RHBDL2: variants seen among roughly 807,000 people sequenced by gnomAD.
RHBDL2 encodes the protein rhomboid-related protein 2.
In RHBDL2, 26 loss-of-function variants were observed where a neutral mutation model predicts 31.7. The observed-to-expected ratio is 0.82, with a 90% CI of 0.60 to 1.14. The LOEUF (loss-of-function observed/expected upper bound fraction) is 1.14, where lower values mean the gene tolerates loss of function less well. Ranked by LOEUF, RHBDL2 falls within the 50% of genes most tolerant of loss-of-function variation. The pLI is 0.00. For synonymous variants in RHBDL2, 123 were observed against 127.2 expected (o/e 0.97, Z 0.22); for missense variants, 336 against 364.4 (o/e 0.92, Z 0.63).
At chr1:38,913,051 C>T (rs1250072481) in intron 3 of RHBDL2, among the ~76,000 whole-genome samples, 2 of 149,404 alleles carry the variant, frequency 1.3e-5, no homozygotes, top group African/African-American at 5.0e-5. Context: ...GGCGCGATCT[C>T]GGCTCACTGC....
chr1:38,886,954 T>C (rs1268212864), intron 7 of RHBDL2, among the ~76,000 whole-genome samples: 1 of 152,218 alleles, frequency 6.6e-6, no homozygotes, highest in Non-Finnish European at 1.5e-5. Context: ...TTAATCATCA[T>C]TGCATTTAAA....
chr1:38,927,220 G>A (rs781439448), intron 1 of RHBDL2, among the ~76,000 whole-genome samples: 3 of 152,152 alleles, frequency 2.0e-5, no homozygotes, highest in South Asian at 4.1e-4. Flanking sequence ...AAGGTCAGGA[G>A]ATCGAGACCA....
At position 38,893,188 on chromosome 1, in the gene RHBDL2, T is replaced by C; in HGVS notation, c.646A>G (p.Arg216Gly). The C allele has an allele frequency of 6.4e-7, 1 of 1,571,280 alleles. No homozygotes were observed. Among genetic ancestry groups the C allele is most frequent in the Non-Finnish European group, 8.8e-7 (1 of 1,142,288 alleles). Reference protein sequence around the residue: ...QEMIPAFGIFRLLIIILIIVL... With the variant: ...QEMIPAFGIFGLLIIILIIVL... Reference sequence around the variant, plus strand: ...CTTATCAGGATGATGATCAGCAGTCTGAAAATTCCAAAGGCAGGAATCATT... The same window carrying C: ...CTTATCAGGATGATGATCAGCAGTCCGAAAATTCCAAAGGCAGGAATCATT... The change falls in exon 6 of 8, where the codon AGA becomes GGA. Residue 216 changes from arginine (R) to glycine (G), a missense_variant. By Grantham distance (125) the Arg-to-Gly change is moderately radical. Coordinates refer to ENST00000372990, the MANE Select transcript of RHBDL2 (RefSeq NM_017821.5).
chr1:38,933,864 G>A (rs189229818), intron 1 of RHBDL2, among the ~76,000 whole-genome samples: 1 of 151,940 alleles, frequency 6.6e-6, no homozygotes, highest in African/African-American at 2.4e-5. Flanking sequence ...AAGTAGCTGG[G>A]ATTACAAGTG....
chr1:38,930,110 A>G (rs1330962662), intron 1 of RHBDL2, among the ~76,000 whole-genome samples: 5 of 152,142 alleles, frequency 3.3e-5, no homozygotes, highest in Non-Finnish European at 5.9e-5. Context: ...CTCTGCGTCA[A>G]AAGTTTCTTC....
At chr1:38,932,553 C>G (rs1211633556) in intron 1 of RHBDL2, among the ~76,000 whole-genome samples, 3 of 152,154 alleles carry the variant, frequency 2.0e-5, no homozygotes, top group Non-Finnish European at 4.4e-5. Context: ...TCCACCTCCC[C>G]AGTTCAAGGG....
chr1:38,912,910 A>ATATATGTGTGTGTGTGTG (rs1399583863), intron 3 of RHBDL2, among the ~76,000 whole-genome samples: 7 of 41,372 alleles, frequency 1.7e-4, no homozygotes, highest in African/African-American at 6.4e-4. Flanking sequence ...ATATATATAT[A>ATATATGTGTGTGTGTGTG]TGTGTGTGTG....
Position 38,886,434 on chromosome 1 carries a change from T to C in RHBDL2, c.*70A>G. 1 of 1,223,106 alleles carries C rather than the reference T, an allele frequency of 8.2e-7. No individual in the cohort carries two copies. Among genetic ancestry groups the C allele is most frequent in the Non-Finnish European group, 1.1e-6 (1 of 897,548 alleles). 75.8% of individuals were successfully genotyped at this position (1,223,106 alleles called of 1,614,324 possible). A position where few individuals can be genotyped will look rare whatever the true frequency, so the allele number is the denominator to read the frequency against. On this transcript the variant is annotated 3_prime_UTR_variant, in exon 8 of 8. Transcript: ENST00000372990. ...TTTCTGAGACTTCTCTGTTTCTTCA[T>C]AGAGTCTTCCTTTTTTTTTTATTTC...
intron 1 of RHBDL2, among the ~76,000 whole-genome samples, chr1:38,936,485 G>T (rs1444213700): frequency 4.2e-5 from 6 of 142,434 alleles, no homozygotes; most frequent in African/African-American, 1.3e-4. Context: ...CTAATTTTTG[G>T]TTTTTTGCTT....
rs150690372 is a variant in RHBDL2 at position 38,915,746 on chromosome 1, C to T, written c.247-36G>A. ...GAGCAGACATGAGTATTAACCACAC[C>T]TTCTCCAGAGAGGGGCCCCATCCAA... is the stretch of plus-strand genomic sequence containing the variant. On this transcript the variant is annotated intron_variant, in intron 2 of 7. Coordinates refer to ENST00000372990, the MANE Select transcript of RHBDL2 (RefSeq NM_017821.5). The T allele has an allele frequency of 2.3e-4, 376 of 1,612,026 alleles. No individual in the cohort carries two copies. The African/African-American group carries it at 4.5e-3, about 19-fold the overall frequency.
chr1:38,894,707 C>CTTTTTTTTTTT (rs71057159), intron 5 of RHBDL2, among the ~76,000 whole-genome samples: 598 of 114,086 alleles, frequency 5.2e-3, no homozygotes, highest in East Asian at 6.2e-3. Context: ...CTTTTTTTTT[C>CTTTTTTTTTTT]TTTTTTTTTT....
intron 1 of RHBDL2, 138 bp downstream of exon 1, chr1:38,941,544 G>C (rs1439685953): frequency 6.6e-6 from 1 of 152,348 alleles, no homozygotes; most frequent in Non-Finnish European, 1.5e-5. Flanking sequence ...GGTCACTCCA[G>C]AAGGGGGGTT....
Position 38,938,106 on chromosome 1 carries a change from C to T in RHBDL2, c.-126+3576G>A, listed in dbSNP as rs543292984. ...AATCTTGACTCACTACAACCTCTGC[C>T]TCCTGGGTTCAAGCGATTCTCCTCC... is the stretch of plus-strand genomic sequence containing the variant. On this transcript the variant is annotated intron_variant, in intron 1 of 7. Coordinates refer to ENST00000372990, the MANE Select transcript of RHBDL2 (RefSeq NM_017821.5). Among the ~76,000 whole-genome samples, 16 of 152,170 alleles carry T rather than the reference C, an allele frequency of 1.1e-4. 1 individual carries two copies. The South Asian group carries it at 1.7e-3, about 16-fold the overall frequency.
intron 3 of RHBDL2, among the ~76,000 whole-genome samples, chr1:38,914,115 CAA>C (rs1165376807): frequency 8.1e-6 from 1 of 123,946 alleles, no homozygotes; most frequent in Non-Finnish European, 1.7e-5. Context: ...GACTCTATCT[CAA>C]AAAAAAAAAA....
chr1:38,919,959 T>A (rs547593097), intron 1 of RHBDL2, among the ~76,000 whole-genome samples: 1 of 152,114 alleles, frequency 6.6e-6, no homozygotes, highest in Admixed American at 6.5e-5. Context: ...GTTCCAAAAC[T>A]TTTTCATCAC....
intron 4 of RHBDL2, among the ~76,000 whole-genome samples, chr1:38,904,345 C>A (rs975031402): frequency 6.6e-6 from 1 of 151,884 alleles, no homozygotes; most frequent in Non-Finnish European, 1.5e-5. Flanking sequence ...TGGTGGTGTG[C>A]GCCTGTAATC....
rs529083692 is a variant in RHBDL2 at position 38,919,448 on chromosome 1, A to T, written c.-125-111T>A. 19 of 1,025,652 alleles carry T rather than the reference A, an allele frequency of 1.9e-5. No homozygotes were observed. The East Asian group carries it at 4.5e-4, about 25-fold the overall frequency. 63.5% of individuals were successfully genotyped at this position (1,025,652 alleles called of 1,614,324 possible). ...TTTTAAAAAGAGCCAGATGACTGAG[A>T]TTAAAATGCAGCTCTACCATGTATC... is the stretch of plus-strand genomic sequence containing the variant. On this transcript the variant is annotated intron_variant, in intron 1 of 7. Transcript: ENST00000372990.
intron 4 of RHBDL2, among the ~76,000 whole-genome samples, chr1:38,906,706 T>C (rs1643072106): frequency 6.6e-6 from 1 of 151,746 alleles, no homozygotes; most frequent in South Asian, 2.1e-4. Flanking sequence ...CACAAATCAA[T>C]TGTGTTTCTA....
In RHBDL2 at chr1:38,928,389, G is replaced by A. The variant is rs193078245; in HGVS notation, c.-125-9052C>T. On this transcript the variant is annotated intron_variant, in intron 1 of 7. Transcript: ENST00000372990. ...AATCTCCTGACCTCTTGATCCACCC[G>A]CCTCGGGCTCCCAAAGTGCTGGGAT... Among the ~76,000 whole-genome samples the A allele has an allele frequency of 2.0e-3, 297 of 152,018 alleles. 3 individuals carry two copies. In the Middle Eastern group the frequency reaches 0.041, roughly 21 times the overall value.
Sources: gnomAD v4.1 joint callset for allele counts (sites outside exome capture counted in the v4.1 genomes callset) on GRCh38, gnomAD v4.1.1 for gene constraint, MANE v1.5 for transcripts, NCBI Gene and HGNC (gene_info 2026-07-23, HGNC 2026-07-21) for gene names.